The following ERP44 variants were observed in gnomAD, a reference collection of about 807,000 sequenced individuals.
The protein encoded by ERP44 is endoplasmic reticulum protein 44, also known as endoplasmic reticulum resident protein 44.
Under a neutral mutation model 53.4 loss-of-function variants are expected in ERP44, and 25 were observed. That is an observed-to-expected ratio of 0.47 (90% CI 0.34 to 0.65). The LOEUF (loss-of-function observed/expected upper bound fraction) is 0.65, where lower values mean the gene tolerates loss of function less well. Among genes scored for constraint, ERP44 ranks in the 30% least tolerant of loss-of-function variants. The pLI, the probability that ERP44 is intolerant of heterozygous loss-of-function variation, is 0.01. For synonymous variants in ERP44, 145 were observed against 161.2 expected (o/e 0.90, Z 0.76); for missense variants, 338 against 493.2 (o/e 0.69, Z 2.98).
intron 1 of ERP44, among the ~76,000 whole-genome samples, chr9:100,090,720 G>A (rs1467695193): frequency 2.6e-5 from 4 of 151,248 alleles, no homozygotes; most frequent in East Asian, 1.9e-4. Context: ...TTGCATTCCA[G>A]CCTGGGCAAC....
chr9:100,098,725 G>T, intron 1 of ERP44, 59 bp downstream of exon 1: 1 of 1,418,480 alleles, frequency 7.0e-7, no homozygotes, highest in Non-Finnish European at 1.0e-6. Flanking sequence ...TGTTCCCCCT[G>T]GGCGAGGGCC....
At chr9:100,024,803 C>T (rs1483664556) in intron 4 of ERP44, among the ~76,000 whole-genome samples, 2 of 152,116 alleles carry the variant, frequency 1.3e-5, no homozygotes, top group African/African-American at 4.8e-5. Context: ...ATTGGAAGTA[C>T]TGGTATGACC....
At chr9:100,069,706 A>C (rs1260750786) in intron 1 of ERP44, among the ~76,000 whole-genome samples, 1 of 152,240 alleles carries the variant, frequency 6.6e-6, no homozygotes, top group African/African-American at 2.4e-5. Context: ...ATGCTTGAGA[A>C]AACAAATTCC....
At chr9:99,997,445 G>A (rs750009732) in intron 10 of ERP44, among the ~76,000 whole-genome samples, 25 of 151,852 alleles carry the variant, frequency 1.6e-4, no homozygotes, top group Non-Finnish European at 3.5e-4. Flanking sequence ...GGTTAAAATC[G>A]CAGTGCCAAA....
In ERP44 at chr9:100,016,406, A is replaced by G. The variant is rs867155462; in HGVS notation, c.678T>C (p.Ala226=). Residue 226 remains alanine, a synonymous_variant, in exon 8 of 12, where the codon GCT becomes GCC. Coordinates refer to ENST00000262455, the MANE Select transcript of ERP44 (RefSeq NM_015051.3). The part of the protein sequence containing the change: ...HSAPDMVYLG[A]MTNFDVTYNW... ...TGTAAGTCACATCAAAATTTGTCAT[A>G]GCTCCCAAGTACACCATATCCGGAG... The G allele has an allele frequency of 4.3e-6, 7 of 1,612,410 alleles. No homozygotes were observed. The Middle Eastern group carries it at 4.9e-4, about 114-fold the overall frequency.
chr9:100,076,423 A>G (rs1396261841), intron 1 of ERP44, among the ~76,000 whole-genome samples: 3 of 152,196 alleles, frequency 2.0e-5, no homozygotes, highest in African/African-American at 4.8e-5. Flanking sequence ...GGAAGAGAAG[A>G]CTAGGGCCTG....
intron 10 of ERP44, chr9:99,999,009 C>G (rs144840806): frequency 9.2e-7 from 1 of 1,091,618 alleles, no homozygotes. Context: ...AGTAGTCGTG[C>G]GTGGGCAGCG....
chr9:100,069,822 C>A (rs72731398), intron 1 of ERP44, among the ~76,000 whole-genome samples: 19,384 of 152,102 alleles, frequency 0.13, 1,658 homozygotes, highest in Non-Finnish European at 0.19. Flanking sequence ...TGTTGCAATT[C>A]ATACTTTTTC....
intron 4 of ERP44, among the ~76,000 whole-genome samples, chr9:100,030,178 C>CTAATAAA (rs1825766626): frequency 6.6e-6 from 1 of 152,196 alleles, no homozygotes; most frequent in Non-Finnish European, 1.5e-5. Flanking sequence ...CTTTTATTCC[C>CTAATAAA]TTACTTTCCT....
intron 10 of ERP44, among the ~76,000 whole-genome samples, chr9:99,989,006 C>A (rs1383559567): frequency 6.6e-6 from 1 of 152,204 alleles, no homozygotes; most frequent in Non-Finnish European, 1.5e-5. Flanking sequence ...ATTGCTGAGG[C>A]TTGACTAGGT....
At chr9:100,010,630 G>A (rs1186942609) in intron 8 of ERP44, among the ~76,000 whole-genome samples, 3 of 152,154 alleles carry the variant, frequency 2.0e-5, no homozygotes, top group African/African-American at 7.2e-5. Flanking sequence ...GGCTGGGCAC[G>A]GTGGCTCACA....
At chr9:100,016,828 T>C (rs1237429142) in intron 7 of ERP44, among the ~76,000 whole-genome samples, 1 of 152,206 alleles carries the variant, frequency 6.6e-6, no homozygotes, top group Non-Finnish European at 1.5e-5. Flanking sequence ...AAAAAGCAGA[T>C]AATTCTGTGA....
chr9:99,986,681 T>C (rs549227546), intron 10 of ERP44, among the ~76,000 whole-genome samples: 1 of 152,184 alleles, frequency 6.6e-6, no homozygotes, highest in Non-Finnish European at 1.5e-5. Context: ...AACTTCATTG[T>C]ATACCCATTT....
At chr9:99,997,880 G>A (rs1274043441) in intron 10 of ERP44, among the ~76,000 whole-genome samples, 1 of 151,698 alleles carries the variant, frequency 6.6e-6, no homozygotes, top group East Asian at 1.9e-4. Flanking sequence ...ACAGCTCAGA[G>A]GCCACCGAGA....
intron 1 of ERP44, among the ~76,000 whole-genome samples, chr9:100,079,423 C>CACAT (rs1826396353): frequency 9.7e-6 from 1 of 103,488 alleles, no homozygotes; most frequent in Admixed American, 8.1e-5. Context: ...TACACACACA[C>CACAT]ACACACACAC....
intron 4 of ERP44, among the ~76,000 whole-genome samples, chr9:100,048,746 A>G (rs1247504254): frequency 6.6e-6 from 1 of 152,232 alleles, no homozygotes; most frequent in Non-Finnish European, 1.5e-5. Context: ...ACATTATGCT[A>G]AGTGAAATAT....
intron 10 of ERP44, chr9:99,998,452 G>A (rs1391972545): frequency 3.0e-6 from 2 of 665,910 alleles, no homozygotes; most frequent in Admixed American, 2.4e-5. Context: ...GTGCCGGACC[G>A]TCATCACACC....
chr9:100,052,373 T>C (rs1826048239), intron 4 of ERP44, 44 bp downstream of exon 4: 5 of 950,502 alleles, frequency 5.3e-6, no homozygotes, highest in Non-Finnish European at 7.7e-6. Flanking sequence ...TGCCTGTGTT[T>C]GGGATGGGAC....
chr9:100,094,828 G>A (rs897926385), intron 1 of ERP44, among the ~76,000 whole-genome samples: 10 of 151,910 alleles, frequency 6.6e-5, no homozygotes, highest in African/African-American at 2.4e-4. Flanking sequence ...GCCAGGTGTG[G>A]TAGCACACAC....
Sources: allele counts gnomAD v4.1 joint callset (sites outside exome capture counted in the v4.1 genomes callset), GRCh38; gene constraint gnomAD v4.1.1; transcripts MANE v1.5; gene names NCBI Gene and HGNC (gene_info 2026-07-23, HGNC 2026-07-21).